Variants in TCF7L1 observed in about 807,000 individuals in gnomAD.
TCF7L1 encodes transcription factor 7-like 1.
Under a neutral mutation model 63.7 loss-of-function variants are expected in TCF7L1, and 18 were observed. The ratio of observed to expected loss-of-function variants is 0.28; its 90% CI spans 0.20 to 0.42. TCF7L1 has a LOEUF of 0.42. Ranked by LOEUF, TCF7L1 falls within the 10% of genes least tolerant of loss-of-function variation. The pLI, the probability that TCF7L1 is intolerant of heterozygous loss-of-function variation, is 1.00. For synonymous variants in TCF7L1, 355 were observed against 340.9 expected (o/e 1.04, Z -0.46); for missense variants, 654 against 779.3 (o/e 0.84, Z 1.91).
At chr2:85,304,194 G>T in intron 6 of TCF7L1, 61 bp from the exon 7 acceptor site, 1 of 1,514,312 alleles carries the variant, frequency 6.6e-7, no homozygotes, top group Non-Finnish European at 9.1e-7. Context: ...CTTCCCAAGT[G>T]CCTCTCTTCC....
intron 3 of TCF7L1, among the ~76,000 whole-genome samples, chr2:85,268,543 G>A (rs1461317250): frequency 4.9e-5 from 7 of 143,284 alleles, no homozygotes; most frequent in Non-Finnish European, 7.5e-5. Context: ...GCACGATTTC[G>A]GTTCACTGCA....
chr2:85,196,017 T>C (rs1679146819), intron 3 of TCF7L1, among the ~76,000 whole-genome samples: 1 of 151,852 alleles, frequency 6.6e-6, no homozygotes, highest in Non-Finnish European at 1.5e-5. Context: ...ACTCAAACCA[T>C]GGAGACCAGG....
At chr2:85,292,405 T>C (rs973241152) in intron 4 of TCF7L1, among the ~76,000 whole-genome samples, 1 of 152,014 alleles carries the variant, frequency 6.6e-6, no homozygotes, top group African/African-American at 2.4e-5. Context: ...ACTGGTGGAG[T>C]GTTTAAGAGG....
At chr2:85,247,187 C>T (rs937148706) in intron 3 of TCF7L1, among the ~76,000 whole-genome samples, 3 of 152,162 alleles carry the variant, frequency 2.0e-5, no homozygotes, top group Non-Finnish European at 4.4e-5. Context: ...CACAGCTTAC[C>T]AGGATACAAT....
At chr2:85,154,691 G>A (rs947499313) in intron 3 of TCF7L1, among the ~76,000 whole-genome samples, 1 of 152,156 alleles carries the variant, frequency 6.6e-6, no homozygotes, top group Non-Finnish European at 1.5e-5. Context: ...CTGATCCTCT[G>A]GATCTTAAAC....
intron 3 of TCF7L1, among the ~76,000 whole-genome samples, chr2:85,264,159 T>TC (rs1680917690): frequency 6.6e-6 from 1 of 152,182 alleles, no homozygotes; most frequent in South Asian, 2.1e-4. Context: ...TGCCCATTCT[T>TC]CCTTCTTTGA....
At chr2:85,200,900 G>A (rs1175235086) in intron 3 of TCF7L1, among the ~76,000 whole-genome samples, 1 of 152,100 alleles carries the variant, frequency 6.6e-6, no homozygotes, top group Non-Finnish European at 1.5e-5. Context: ...GGAGGTGGCT[G>A]TGAAATTATT....
intron 3 of TCF7L1, among the ~76,000 whole-genome samples, chr2:85,223,836 C>T (rs561140823): frequency 8.6e-4 from 131 of 152,240 alleles, no homozygotes; most frequent in African/African-American, 2.7e-3. Flanking sequence ...ATGTGCACAA[C>T]GTGCAGGTTT....
chr2:85,178,979 A>G (rs1399133554), intron 3 of TCF7L1, among the ~76,000 whole-genome samples: 1 of 152,144 alleles, frequency 6.6e-6, no homozygotes, highest in Non-Finnish European at 1.5e-5. Context: ...ACCTGAGAGG[A>G]GAGAAAGTAA....
At position 85,302,745 on chromosome 2, in the gene TCF7L1, A is replaced by T. The variant is rs941202410; in HGVS notation, c.658+129A>T. 3 of 1,231,776 alleles carry T rather than the reference A, an allele frequency of 2.4e-6. No homozygotes were observed. The African/African-American group carries it at 4.6e-5, about 19-fold the overall frequency. The allele number at this position is 1,231,776 out of a possible 1,614,324, so 76.3% of individuals were successfully genotyped here. A position where few individuals can be genotyped will look rare whatever the true frequency, so the allele number is the denominator to read the frequency against. On this transcript the variant is annotated intron_variant, in intron 5 of 11. Coordinates refer to ENST00000282111, the MANE Select transcript of TCF7L1 (RefSeq NM_031283.3). ...GGCTCTTTGTCTCAGGAGTCTTTGG[A>T]CCTTGTCTGCTAACTTTAGCCTTGT...
chr2:85,137,970 A>T (rs1035490466), intron 3 of TCF7L1, among the ~76,000 whole-genome samples: 2 of 152,146 alleles, frequency 1.3e-5, no homozygotes, highest in Non-Finnish European at 2.9e-5. Flanking sequence ...GTTTAAGACA[A>T]AGAAGAGCCA....
chr2:85,173,611 C>G (rs886897718), intron 3 of TCF7L1, among the ~76,000 whole-genome samples: 3 of 152,190 alleles, frequency 2.0e-5, no homozygotes, highest in Non-Finnish European at 4.4e-5. Context: ...ATATCGAAGT[C>G]TCCTAAACTC....
At chr2:85,211,013 G>A (rs1558634831) in intron 3 of TCF7L1, among the ~76,000 whole-genome samples, 1 of 152,192 alleles carries the variant, frequency 6.6e-6, no homozygotes, top group African/African-American at 2.4e-5. Flanking sequence ...GAGGCACCTT[G>A]ACTTCTGCAC....
chr2:85,230,802 G>A (rs1234209878), intron 3 of TCF7L1, among the ~76,000 whole-genome samples: 1 of 152,106 alleles, frequency 6.6e-6, no homozygotes, highest in East Asian at 1.9e-4. Context: ...CTACTAACGT[G>A]CTTTTTTAAA....
At chr2:85,236,960 CT>C (rs1680206338) in intron 3 of TCF7L1, among the ~76,000 whole-genome samples, 1 of 152,194 alleles carries the variant, frequency 6.6e-6, no homozygotes, top group Non-Finnish European at 1.5e-5. Context: ...CCCCAGGTCA[CT>C]GTCGTAAGCT....
chr2:85,155,350 G>A (rs185297593), intron 3 of TCF7L1, among the ~76,000 whole-genome samples: 6 of 152,296 alleles, frequency 3.9e-5, no homozygotes, highest in South Asian at 4.1e-4. Flanking sequence ...CAGCAGCAAC[G>A]CTCTGTGGAA....
intron 3 of TCF7L1, among the ~76,000 whole-genome samples, chr2:85,231,589 G>A (rs1367949884): frequency 1.3e-5 from 2 of 152,098 alleles, no homozygotes; most frequent in Admixed American, 6.5e-5. Context: ...GCCACCGCTG[G>A]TGTATCCAAG....
intron 3 of TCF7L1, among the ~76,000 whole-genome samples, chr2:85,245,899 T>G (rs532168741): frequency 6.6e-6 from 1 of 151,332 alleles, no homozygotes; most frequent in East Asian, 1.9e-4. Flanking sequence ...ATGGAAACAG[T>G]TAAAGGATGG....
intron 3 of TCF7L1, among the ~76,000 whole-genome samples, chr2:85,263,883 A>G (rs1680913125): frequency 6.6e-6 from 1 of 152,234 alleles, no homozygotes. Context: ...AAACCAGCCG[A>G]AAGGGTGCCC....
Sources: allele counts gnomAD v4.1 joint callset (sites outside exome capture counted in the v4.1 genomes callset), GRCh38; gene constraint gnomAD v4.1.1; transcripts MANE v1.5; gene names NCBI Gene and HGNC (gene_info 2026-07-23, HGNC 2026-07-21).